Variants in ZDHHC2 observed in about 807,000 individuals in gnomAD.
ZDHHC2 encodes the protein zDHHC palmitoyltransferase 2.
A neutral mutation model predicts 55.6 loss-of-function variants in ZDHHC2; 51 were observed. The observed-to-expected ratio is 0.92, with a 90% CI of 0.73 to 1.16. The LOEUF is 1.16. ZDHHC2 is among the 50% of genes most tolerant of loss of function. The probability of loss-of-function intolerance (pLI) is 0.00; values close to 1 mark genes in which losing one functional copy is unlikely to be tolerated. For synonymous variants in ZDHHC2, 199 were observed against 152.9 expected (o/e 1.30, Z -2.22); for missense variants, 491 against 442.4 (o/e 1.11, Z -0.99).
intron 6 of ZDHHC2, among the ~76,000 whole-genome samples, chr8:17,199,485 T>G (rs181836017): frequency 1.3e-3 from 41 of 30,714 alleles, no homozygotes; most frequent in Admixed American, 3.3e-3. Context: ...CTTCTTCTTC[T>G]TCTTCTTCTT....
intron 4 of ZDHHC2, among the ~76,000 whole-genome samples, chr8:17,196,554 TA>T (rs1806321361): frequency 6.8e-6 from 1 of 147,250 alleles, no homozygotes; most frequent in African/African-American, 2.5e-5. Flanking sequence ...ACCCTGTCTC[TA>T]AAAAATAAAA....
intron 10 of ZDHHC2, among the ~76,000 whole-genome samples, chr8:17,213,941 A>G (rs1390546517): frequency 6.6e-6 from 1 of 152,208 alleles, no homozygotes; most frequent in Non-Finnish European, 1.5e-5. Flanking sequence ...GGTAGTTGTT[A>G]AAGCTGCACA....
At chr8:17,179,854 G>T (rs911192415) in intron 1 of ZDHHC2, among the ~76,000 whole-genome samples, 1 of 152,182 alleles carries the variant, frequency 6.6e-6, no homozygotes, top group Non-Finnish European at 1.5e-5. Context: ...ATTAATCACA[G>T]AGGAACTTGA....
At chr8:17,183,629 A>G (rs572927054) in intron 1 of ZDHHC2, among the ~76,000 whole-genome samples, 2 of 152,350 alleles carry the variant, frequency 1.3e-5, no homozygotes, top group South Asian at 4.1e-4. Context: ...GGTGTAAACT[A>G]GAACATTTAA....
intron 6 of ZDHHC2, among the ~76,000 whole-genome samples, chr8:17,204,277 A>G (rs1012741531): frequency 1.3e-5 from 2 of 152,224 alleles, no homozygotes; most frequent in Non-Finnish European, 2.9e-5. Flanking sequence ...AAAGTGTTTC[A>G]TCTTAGTAGC....
intron 1 of ZDHHC2, among the ~76,000 whole-genome samples, chr8:17,168,048 A>G (rs961008357): frequency 6.6e-6 from 1 of 152,160 alleles, no homozygotes; most frequent in African/African-American, 2.4e-5. Context: ...CTTAGAGTAT[A>G]CTGAATATAA....
At chr8:17,179,054 G>C (rs1326880397) in intron 1 of ZDHHC2, among the ~76,000 whole-genome samples, 2 of 152,140 alleles carry the variant, frequency 1.3e-5, no homozygotes, top group African/African-American at 4.8e-5. Flanking sequence ...GTGCTCAAGT[G>C]ATCTTCCCAC....
At chr8:17,199,670 CCTTCTT>C (rs1327378870) in intron 6 of ZDHHC2, among the ~76,000 whole-genome samples, 1 of 134,110 alleles carries the variant, frequency 7.5e-6, no homozygotes, top group South Asian at 2.3e-4. Context: ...CCTCCTCCCT[CCTTCTT>C]CTTCTTCTTT....
At chr8:17,166,076 C>T (rs1021817205) in intron 1 of ZDHHC2, among the ~76,000 whole-genome samples, 3 of 152,118 alleles carry the variant, frequency 2.0e-5, no homozygotes, top group East Asian at 1.9e-4. Flanking sequence ...GTGAGGACTT[C>T]GGTTTTACTT....
intron 1 of ZDHHC2, among the ~76,000 whole-genome samples, chr8:17,179,915 C>T (rs1805345536): frequency 6.6e-6 from 1 of 152,152 alleles, no homozygotes; most frequent in South Asian, 2.1e-4. Flanking sequence ...AAAATATTAT[C>T]ATTGTAGGGC....
In ZDHHC2 at chr8:17,191,848, C is replaced by T. The variant is rs1356003602; in HGVS notation, c.253-3656C>T. ...TGGGTATATACTCACAGTAGAATTG[C>T]TGGGTCATATGGTAGCTCTATTTTT... On this transcript the variant is annotated intron_variant, in intron 3 of 12. Transcript: ENST00000262096. Among the ~76,000 whole-genome samples, 4 of 152,174 alleles carry T rather than the reference C, an allele frequency of 2.6e-5. 1 individual carries two copies. Among genetic ancestry groups the T allele is most frequent in the Non-Finnish European group, 5.9e-5 (4 of 68,030 alleles).
intron 6 of ZDHHC2, among the ~76,000 whole-genome samples, chr8:17,199,221 G>C (rs1208348972): frequency 6.6e-6 from 1 of 152,154 alleles, no homozygotes; most frequent in African/African-American, 2.4e-5. Flanking sequence ...GGGAATGTAG[G>C]ATTATGGTAT....
Position 17,156,799 on chromosome 8 carries a change from A to G in ZDHHC2, c.76A>G (p.Ile26Val). 10 of 1,521,432 alleles carry G rather than the reference A, an allele frequency of 6.6e-6. No homozygotes were observed. Among genetic ancestry groups the G allele is most frequent in the Non-Finnish European group, 8.8e-6 (10 of 1,133,396 alleles). The allele number at this position is 1,521,432 out of a possible 1,614,324, so 94.2% of individuals were successfully genotyped here. ...GCTGTACTGGATCCCGGTGGTGTTC[A>G]TCACCCTCCTGCTCGGCTGGTCCTA... The part of the protein sequence containing the change: ...RVLYWIPVVF[I>V]TLLLGWSYYA... The change falls in exon 1 of 13, where the codon ATC (isoleucine) becomes GTC (valine). Residue 26 changes from isoleucine to valine, a missense_variant. Ile to Val is a conservative substitution (Grantham distance 29, BLOSUM62 3). Coordinates refer to ENST00000262096, the MANE Select transcript of ZDHHC2 (RefSeq NM_016353.5).
At chr8:17,163,041 C>T (rs1307831624) in intron 1 of ZDHHC2, among the ~76,000 whole-genome samples, 5 of 152,326 alleles carry the variant, frequency 3.3e-5, no homozygotes, top group South Asian at 2.1e-4. Context: ...ACCCGATGCT[C>T]GGGCCACTTT....
intron 8 of ZDHHC2, 106 bp downstream of exon 8, chr8:17,208,198 A>G: frequency 8.6e-7 from 1 of 1,162,608 alleles, no homozygotes; most frequent in Non-Finnish European, 1.2e-6. Flanking sequence ...GTGGTGGGAA[A>G]AGTCATTCTT....
chr8:17,215,291 T>C lies in ZDHHC2; in HGVS notation c.1005T>C (p.Leu335=), dbSNP rs1563171506. 4 of 1,601,570 alleles carry C rather than the reference T, an allele frequency of 2.5e-6. No individual in the cohort carries two copies. Among genetic ancestry groups the C allele is most frequent in the Non-Finnish European group, 3.4e-6 (4 of 1,173,824 alleles). Reference sequence around the variant, plus strand: ...CATTGAGAGAGTCCCAGAGCCACCTTCTTACTGATTCTCAGTCTTGGACGG... The same window carrying C: ...CATTGAGAGAGTCCCAGAGCCACCTCCTTACTGATTCTCAGTCTTGGACGG... ...AKPLRESQSH[L]LTDSQSWTES... is the part of the protein sequence containing the mutation. Residue 335 remains leucine, a synonymous_variant, in exon 11 of 13, where the codon CTT becomes CTC. Coordinates refer to ENST00000262096, the MANE Select transcript of ZDHHC2 (RefSeq NM_016353.5).
chr8:17,180,371 A>C (rs1183501478), intron 1 of ZDHHC2, among the ~76,000 whole-genome samples: 1 of 152,172 alleles, frequency 6.6e-6, no homozygotes, highest in Non-Finnish European at 1.5e-5. Flanking sequence ...AAGGCAATTG[A>C]CTTATAAGAT....
Position 17,156,810 on chromosome 8 carries a change from G to A in ZDHHC2, c.87G>A (p.Leu29=). 1 of 1,522,018 alleles carries A rather than the reference G, an allele frequency of 6.6e-7. No individual in the cohort carries two copies. The highest frequency in any genetic ancestry group is 8.8e-7 in the Non-Finnish European group (1 of 1,133,452). 94.3% of individuals were successfully genotyped at this position (1,522,018 alleles called of 1,614,324 possible). ...TCCCGGTGGTGTTCATCACCCTCCT[G>A]CTCGGCTGGTCCTACTACGCCTACG... The part of the protein sequence containing the change: ...YWIPVVFITL[L]LGWSYYAYAI... Residue 29 remains leucine (L), a synonymous_variant, in exon 1 of 13, where the codon CTG becomes CTA. Transcript: ENST00000262096.
intron 1 of ZDHHC2, among the ~76,000 whole-genome samples, chr8:17,183,890 G>C (rs1283371306): frequency 6.6e-6 from 1 of 152,044 alleles, no homozygotes; most frequent in Non-Finnish European, 1.5e-5. Context: ...GCAGGAGATT[G>C]GTTGGACTGA....
Sources: allele counts gnomAD v4.1 joint callset (sites outside exome capture counted in the v4.1 genomes callset), GRCh38; gene constraint gnomAD v4.1.1; transcripts MANE v1.5; gene names NCBI Gene and HGNC (gene_info 2026-07-23, HGNC 2026-07-21).